AGBL1: variants seen among roughly 807,000 people sequenced by gnomAD.
The protein encoded by AGBL1 is cytosolic carboxypeptidase 4.
In AGBL1, 130 loss-of-function variants were observed where a neutral mutation model predicts 118.9. The observed-to-expected ratio is 1.09, with a 90% CI of 0.95 to 1.26. The LOEUF (loss-of-function observed/expected upper bound fraction) is 1.26. Ranked by LOEUF, AGBL1 falls within the 50% of genes most tolerant of loss-of-function variation. AGBL1 has a pLI of 0.00. For synonymous variants in AGBL1, 555 were observed against 478.9 expected (o/e 1.16, Z -2.08); for missense variants, 1,584 against 1,298.1 (o/e 1.22, Z -3.38).
intron 18 of AGBL1, among the ~76,000 whole-genome samples, chr15:86,455,660 C>T (rs1205897238): frequency 1.3e-5 from 2 of 152,048 alleles, no homozygotes; most frequent in East Asian, 3.9e-4. Context: ...AACATTTGTG[C>T]TTAAAATGTA....
chr15:86,380,574 C>T (rs1183238982), intron 17 of AGBL1, among the ~76,000 whole-genome samples: 1 of 146,506 alleles, frequency 6.8e-6, no homozygotes, highest in East Asian at 1.9e-4. Flanking sequence ...TTTCCCCTCC[C>T]TCACTCCCTC....
intron 22 of AGBL1, among the ~76,000 whole-genome samples, chr15:86,718,334 A>G (rs1331016471): frequency 1.3e-5 from 2 of 152,160 alleles, no homozygotes; most frequent in Non-Finnish European, 2.9e-5. Flanking sequence ...TGGGAATTGA[A>G]CAAGGAGAAC....
chr15:86,499,259 C>T (rs2082889983), intron 18 of AGBL1, among the ~76,000 whole-genome samples: 1 of 151,866 alleles, frequency 6.6e-6, no homozygotes, highest in Non-Finnish European at 1.5e-5. Context: ...ATAATTTTTG[C>T]CTGGCATAGA....
chr15:86,576,212 C>T (rs780704344), intron 21 of AGBL1, among the ~76,000 whole-genome samples: 20 of 152,000 alleles, frequency 1.3e-4, no homozygotes, highest in Non-Finnish European at 2.5e-4. Context: ...AATGATTGTA[C>T]CTCCTGCAGA....
intron 15 of AGBL1, among the ~76,000 whole-genome samples, chr15:86,275,338 C>T (rs1269125157): frequency 6.6e-6 from 1 of 152,164 alleles, no homozygotes; most frequent in Non-Finnish European, 1.5e-5. Context: ...CATGGGATCT[C>T]AAGAGAGAGA....
At chr15:86,366,252 C>G (rs2080885951) in intron 17 of AGBL1, among the ~76,000 whole-genome samples, 1 of 152,076 alleles carries the variant, frequency 6.6e-6, no homozygotes, top group Non-Finnish European at 1.5e-5. Context: ...GAAAACTGAC[C>G]TTTTAAGTTA....
At chr15:86,892,004 A>C (rs1318717688) in intron 22 of AGBL1, among the ~76,000 whole-genome samples, 1 of 152,230 alleles carries the variant, frequency 6.6e-6, no homozygotes, top group East Asian at 1.9e-4. Context: ...CCATACTCTC[A>C]GTGAACCAGC....
intron 17 of AGBL1, among the ~76,000 whole-genome samples, chr15:86,374,884 G>A (rs2081019060): frequency 6.6e-6 from 1 of 152,166 alleles, no homozygotes. Context: ...TTTGTGAAAT[G>A]GTGCTTACAG....
Position 86,913,887 on chromosome 15 carries a change from A to G in AGBL1, c.*6593A>G, listed in dbSNP as rs1041393806. 1.8e-4 allele frequency: 28 copies of G among 152,150 alleles called. No individual in the cohort carries two copies. Among genetic ancestry groups the G allele is most frequent in the African/African-American group, 6.8e-4 (28 of 41,414 alleles). The allele number at this position is 152,150 out of a possible 1,614,324, so 9.4% of individuals were successfully genotyped here. A position where few individuals can be genotyped will look rare whatever the true frequency, so the allele number is the denominator to read the frequency against. The stretch of plus-strand genomic sequence containing the variant: ...AGACCCTGTACTCTGTCTAAAAGTA[A>G]ATAAAAAGGCTGAAGCAAAGATGAT... On this transcript the variant is annotated 3_prime_UTR_variant, in exon 23 of 23. Transcript: ENST00000614907.
intron 22 of AGBL1, among the ~76,000 whole-genome samples, chr15:86,826,210 G>C (rs555178800): frequency 1.4e-4 from 22 of 152,228 alleles, no homozygotes; most frequent in African/African-American, 4.8e-4. Context: ...ATATTAAGGA[G>C]ATAGAGATCC....
Position 86,611,469 on chromosome 15 carries a change from G to C in AGBL1, c.2994+56932G>C, listed in dbSNP as rs148565209. 1.2e-3 allele frequency among the ~76,000 whole-genome samples: 181 copies of C among 152,236 alleles called. 1 individual carries two copies. The highest frequency in any genetic ancestry group is 3.9e-3 in the African/African-American group (161 of 41,556). On this transcript the variant is annotated intron_variant, in intron 21 of 22. Coordinates refer to ENST00000614907, the MANE Select transcript of AGBL1 (RefSeq NM_001386094.1). ...ATGTTTTTGTCTGCAGAGTCATTCA[G>C]TTTTTCTGGGGCCTAGAATTTGAAC... is the stretch of plus-strand genomic sequence containing the variant.
intron 21 of AGBL1, among the ~76,000 whole-genome samples, chr15:86,602,673 A>T (rs1258074273): frequency 6.6e-6 from 1 of 152,176 alleles, no homozygotes; most frequent in East Asian, 1.9e-4. Context: ...ATTTAGTGGA[A>T]TGGGTTGTTT....
At chr15:86,446,283 T>C (rs1209153099) in intron 18 of AGBL1, among the ~76,000 whole-genome samples, 2 of 152,142 alleles carry the variant, frequency 1.3e-5, no homozygotes. Flanking sequence ...TGCCAGCAGG[T>C]GAGGAATGGG....
rs1303114592 is a variant in AGBL1 at position 86,382,181 on chromosome 15, C to G, written c.2375-15185C>G. On this transcript the variant is annotated intron_variant, in intron 17 of 22. Coordinates refer to ENST00000614907, the MANE Select transcript of AGBL1 (RefSeq NM_001386094.1). The stretch of plus-strand genomic sequence containing the variant: ...GGGGCAGGGGAGTGGGGGACATGCC[C>G]CTGTGCAGGGTTGACACATCTTTAA... 8.2e-4 allele frequency among the ~76,000 whole-genome samples: 111 copies of G among 135,630 alleles called. 1 individual carries two copies. Among genetic ancestry groups the G allele is most frequent in the Non-Finnish European group, 9.5e-5 (6 of 63,148 alleles). The allele number at this position is 135,630 out of a possible 152,430, so 89.0% of individuals were successfully genotyped here.
At chr15:86,455,885 T>C (rs2082252718) in intron 18 of AGBL1, among the ~76,000 whole-genome samples, 1 of 152,162 alleles carries the variant, frequency 6.6e-6, no homozygotes, top group Admixed American at 6.6e-5. Flanking sequence ...AAATCTCTCA[T>C]AGCCATTACC....
chr15:86,869,376 A>G (rs866309652), intron 22 of AGBL1, among the ~76,000 whole-genome samples: 1 of 152,136 alleles, frequency 6.6e-6, no homozygotes, highest in Non-Finnish European at 1.5e-5. Flanking sequence ...TCTCTGCCTC[A>G]GAGCCGCTCA....
intron 1 of AGBL1, chr15:86,109,997 G>A (rs1480110514): frequency 3.3e-5 from 5 of 152,190 alleles, no homozygotes; most frequent in Non-Finnish European, 5.9e-5. Flanking sequence ...ACCCGAACAG[G>A]AATCTTAATT....
At chr15:86,167,998 A>G (rs776675764) in intron 5 of AGBL1, among the ~76,000 whole-genome samples, 3 of 152,230 alleles carry the variant, frequency 2.0e-5, no homozygotes, top group Non-Finnish European at 4.4e-5. Context: ...CATATGGTGC[A>G]TCATAGGTAT....
rs182111597 is a variant in AGBL1, at chr15:86,765,222, C to T, written c.3158+90786C>T. Among the ~76,000 whole-genome samples, 89 of 152,066 alleles carry T rather than the reference C, an allele frequency of 5.9e-4. 1 individual carries two copies. Among genetic ancestry groups the T allele is most frequent in the African/African-American group, 2.0e-3 (83 of 41,540 alleles). On this transcript the variant is annotated intron_variant, in intron 22 of 22. Transcript: ENST00000614907. ...TATGACAGTGGAAATTCCCTATGTT[C>T]AGTTTCTTTGCCTTCTTCCCCTTGC... is the stretch of plus-strand genomic sequence containing the variant.
Sources: gnomAD v4.1 joint callset for allele counts (sites outside exome capture counted in the v4.1 genomes callset) on GRCh38, gnomAD v4.1.1 for gene constraint, MANE v1.5 for transcripts, NCBI Gene and HGNC (gene_info 2026-07-23, HGNC 2026-07-21) for gene names.